GPHN: variants seen among roughly 807,000 people sequenced by gnomAD.
GPHN encodes gephyrin.
A neutral mutation model predicts 95.5 loss-of-function variants in GPHN; 17 were observed. That is an observed-to-expected ratio of 0.18 (90% CI 0.12 to 0.27). The LOEUF (loss-of-function observed/expected upper bound fraction) is 0.27. Among genes scored for constraint, GPHN ranks in the 10% least tolerant of loss-of-function variants. The pLI is 1.00. For missense variants in GPHN, 660 were observed against 978.1 expected, an observed-to-expected ratio of 0.67 and a Z score of 4.34; for synonymous variants, 320 against 322.5, an observed-to-expected ratio of 0.99 and a Z score of 0.08.
At chr14:66,787,063 T>A (rs2059803084) in intron 3 of GPHN, among the ~76,000 whole-genome samples, 1 of 152,022 alleles carries the variant, frequency 6.6e-6, no homozygotes, top group Admixed American at 6.5e-5. Flanking sequence ...GATTAGAAAG[T>A]AAGAAATAAA....
intron 1 of GPHN, among the ~76,000 whole-genome samples, chr14:66,651,846 A>G (rs1242911659): frequency 6.6e-6 from 1 of 151,786 alleles, no homozygotes; most frequent in Non-Finnish European, 1.5e-5. Flanking sequence ...CCGAGATGGG[A>G]CCATCTAGTT....
In GPHN at chr14:66,776,498, C is replaced by G. The variant is rs779742512; in HGVS notation, c.178C>G (p.Pro60Ala). 2.5e-6 allele frequency: 4 copies of G among 1,578,572 alleles called. No homozygotes were observed. The East Asian group carries it at 9.0e-5, about 35-fold the overall frequency. The change falls in exon 3 of 23, where the codon CCA becomes GCA. Residue 60 changes from proline to alanine, a missense_variant. By Grantham distance (27) the Pro-to-Ala change is conservative. This residue lies in a region of GPHN where 92 missense variants were observed against 91.9 expected (regional missense o/e 1.00). Transcript: ENST00000478722. ...GGTISAYKIV[P>A]DEIEEIKETL... Reference sequence around the variant, plus strand: ...GACTATATCAGCATACAAGATAGTACCAGATGAAATAGAAGAAATCAAGGT... The same window carrying G: ...GACTATATCAGCATACAAGATAGTAGCAGATGAAATAGAAGAAATCAAGGT...
In GPHN at chr14:67,181,066, A is replaced by G; in HGVS notation, c.*129A>G. 1.3e-6 allele frequency: 1 copy of G among 776,320 alleles called. No homozygotes were observed. The highest frequency in any genetic ancestry group is 2.2e-6 in the Non-Finnish European group (1 of 461,238). 48.1% of individuals were successfully genotyped at this position (776,320 alleles called of 1,614,324 possible). ...ATCTGTATAGTCAACATCTTGAACTATATTTCAAATGAATTTAAATATCTT... is the reference window on the plus strand; with the variant it reads ...ATCTGTATAGTCAACATCTTGAACTGTATTTCAAATGAATTTAAATATCTT... On this transcript the variant is annotated 3_prime_UTR_variant, in exon 23 of 23. Coordinates refer to ENST00000478722, the MANE Select transcript of GPHN (RefSeq NM_020806.5).
At chr14:67,669,314 G>C in the GPHN span, among the ~76,000 whole-genome samples, 1 of 150,174 alleles carries the variant, frequency 6.7e-6, no homozygotes, top group Non-Finnish European at 1.5e-5. Flanking sequence ...CTGTCACCCA[G>C]GTTGGAGTGC....
At chr14:67,572,438 A>T in the GPHN span, among the ~76,000 whole-genome samples, 1 of 152,040 alleles carries the variant, frequency 6.6e-6, no homozygotes, top group Non-Finnish European at 1.5e-5. Flanking sequence ...ACAGTTATGG[A>T]GTCAGACACA....
chr14:66,686,478 T>G (rs1294659399), intron 2 of GPHN, among the ~76,000 whole-genome samples: 3 of 152,198 alleles, frequency 2.0e-5, no homozygotes, highest in Admixed American at 6.5e-5. Context: ...CCCTTGTAAG[T>G]TGGATTCCTA....
At chr14:67,586,806 G>A in the GPHN span, 1 of 1,429,576 alleles carries the variant, frequency 7.0e-7, no homozygotes, top group Non-Finnish European at 9.2e-7. Flanking sequence ...TTCCCTGGTT[G>A]TAGAGCTAAC....
chr14:67,168,808 C>G, intron 20 of GPHN, 125 bp from the exon 21 acceptor site: 1 of 728,838 alleles, frequency 1.4e-6, no homozygotes. Flanking sequence ...CAAGGTGATT[C>G]AGAAGAGGAA....
intron 11 of GPHN, among the ~76,000 whole-genome samples, chr14:67,072,034 G>A (rs2076331503): frequency 6.6e-6 from 1 of 151,782 alleles, no homozygotes; most frequent in Admixed American, 6.6e-5. Flanking sequence ...TTATTTATAG[G>A]TACCTCATTA....
chr14:67,536,638 C>G, the GPHN span, among the ~76,000 whole-genome samples: 1 of 151,886 alleles, frequency 6.6e-6, no homozygotes, highest in South Asian at 2.1e-4. Flanking sequence ...TTGTAGGGAG[C>G]TACCAGGATA....
chr14:66,816,894 T>C (rs1220681626), intron 3 of GPHN, among the ~76,000 whole-genome samples: 1 of 152,168 alleles, frequency 6.6e-6, no homozygotes, highest in African/African-American at 2.4e-5. Context: ...TGATGACTTA[T>C]GTAAACTTAC....
At chr14:66,620,093 G>A (rs536329476) in intron 1 of GPHN, among the ~76,000 whole-genome samples, 1 of 152,220 alleles carries the variant, frequency 6.6e-6, no homozygotes, top group South Asian at 2.1e-4. Context: ...TAGGCAGAGG[G>A]TTCAGGCAAG....
intron 5 of GPHN, among the ~76,000 whole-genome samples, chr14:66,903,710 C>T (rs2065232687): frequency 6.6e-6 from 1 of 152,126 alleles, no homozygotes; most frequent in Non-Finnish European, 1.5e-5. Context: ...TGTTTTATAA[C>T]TCCTTTCTCC....
chr14:67,049,780 G>A (rs1594938030), intron 10 of GPHN, among the ~76,000 whole-genome samples: 1 of 152,156 alleles, frequency 6.6e-6, no homozygotes, highest in Admixed American at 6.5e-5. Flanking sequence ...CAAAGTGCTG[G>A]GATTACAGGC....
At chr14:67,400,198 T>G in the GPHN span, among the ~76,000 whole-genome samples, 1 of 152,224 alleles carries the variant, frequency 6.6e-6, no homozygotes, top group African/African-American at 2.4e-5. Context: ...CAGAATTTAC[T>G]GTGACAACTA....
chr14:66,989,805 C>T (rs2153602923), intron 9 of GPHN, among the ~76,000 whole-genome samples: 1 of 152,168 alleles, frequency 6.6e-6, no homozygotes, highest in Non-Finnish European at 1.5e-5. Context: ...CTTAAAGTGC[C>T]TTGAATATTA....
chr14:66,548,007 G>A (rs918810605), intron 1 of GPHN, among the ~76,000 whole-genome samples: 3 of 151,662 alleles, frequency 2.0e-5, no homozygotes, highest in African/African-American at 7.3e-5. Context: ...TTGAAGGTTT[G>A]TGGCAACCTT....
chr14:66,746,858 G>A (rs776315840), intron 2 of GPHN, among the ~76,000 whole-genome samples: 1 of 152,020 alleles, frequency 6.6e-6, no homozygotes, highest in Non-Finnish European at 1.5e-5. Flanking sequence ...AAGGTAGGTC[G>A]ACCTCCCTCA....
At chr14:67,592,713 C>T in the GPHN span, 3 of 1,590,972 alleles carry the variant, frequency 1.9e-6, no homozygotes, top group Non-Finnish European at 1.7e-6. Context: ...AGTAAATCAC[C>T]TTCTGCTGTA....
Sources: allele counts gnomAD v4.1 joint callset (sites outside exome capture counted in the v4.1 genomes callset), GRCh38; gene constraint gnomAD v4.1.1; regional missense constraint gnomAD v4.1.1; transcripts MANE v1.5; gene names NCBI Gene and HGNC (gene_info 2026-07-23, HGNC 2026-07-21).